Variants in VSIG1 observed in about 807,000 individuals in gnomAD.
The protein encoded by VSIG1 is V-set and immunoglobulin domain containing 1, also known as V-set and immunoglobulin domain-containing protein 1.
VSIG1 carries 11 observed loss-of-function variants against 20.1 expected under a neutral mutation model. The ratio of observed to expected loss-of-function variants is 0.55; its 90% confidence interval spans 0.34 to 0.91. The LOEUF (loss-of-function observed/expected upper bound fraction) is 0.91, where lower values mean the gene tolerates loss of function less well. Among genes scored for constraint, VSIG1 ranks in the 40% least tolerant of loss-of-function variants. The pLI is 0.02. For synonymous variants in VSIG1, 126 were observed against 116.7 expected (o/e 1.08, Z -0.52); for missense variants, 283 against 298.8 (o/e 0.95, Z 0.39).
intron 1 of VSIG1, among the ~76,000 whole-genome samples, chrX:108,052,442 T>TAC (rs764453844): frequency 2.6e-3 from 278 of 107,019 alleles, no homozygotes; most frequent in African/African-American, 5.5e-3. Context: ...CTACCAAAAA[T>TAC]ACACACACAC....
In VSIG1 at chrX:108,076,114, T is replaced by G; in HGVS notation, c.726T>G (p.Gly242=). 8.3e-7 allele frequency: 1 copy of G among 1,211,486 alleles called. No homozygotes were observed. The highest frequency in any genetic ancestry group is 1.8e-5 in the South Asian group (1 of 56,887). The stretch of plus-strand genomic sequence containing the variant: ...GAATCATTGTTGGGGCCTTGATTGG[T>G]AGCCTGGTAGGTGCCGCCATCATCA... ...EVGIIVGALI[G]SLVGAAIIIS... is the part of the protein sequence containing the mutation. Residue 242 remains glycine (G), a synonymous_variant, in exon 6 of 7, where the codon GGT becomes GGG. Transcript: ENST00000217957.
At chrX:108,038,087 C>T in the VSIG1 span, among the ~76,000 whole-genome samples, 1 of 111,145 alleles carries the variant, frequency 9.0e-6, no homozygotes, top group Non-Finnish European at 1.9e-5. Context: ...TTTCATCTTT[C>T]TTTTTTTTAT....
At position 108,067,084 on chromosome X, in the gene VSIG1, C is replaced by G. The variant is rs202139574; in HGVS notation, c.362C>G (p.Pro121Arg). The G allele has an allele frequency of 1.4e-4, 167 of 1,209,436 alleles. No individual in the cohort carries two copies. Among genetic ancestry groups the G allele is most frequent in the Non-Finnish European group, 1.7e-4 (154 of 895,058 alleles). Residue 121 changes from proline (P) to arginine (R), a missense_variant, in exon 3 of 7, where the codon CCC becomes CGC. Coordinates refer to ENST00000217957, the MANE Select transcript of VSIG1 (RefSeq NM_182607.5). ...SGIYICDVNN[P>R]PDFLGQNQGI... ...ATTTACATCTGCGATGTTAACAACC[C>G]CCCAGACTTTCTCGGCCAAAACCAA...
rs2031042497 is a variant in VSIG1, at chrX:108,062,248, G to A, written c.213+4047G>A. On this transcript the variant is annotated intron_variant, in intron 2 of 6. Coordinates refer to ENST00000217957, the MANE Select transcript of VSIG1 (RefSeq NM_182607.5). ...TACTTATTCTTCAAGAATGTTCATA[G>A]TGAAAAAATACCCTTTGCCAGTCTC... Among the ~76,000 whole-genome samples, 6 of 111,522 alleles carry A rather than the reference G, an allele frequency of 5.4e-5. No individual in the cohort carries two copies. In the South Asian group the frequency reaches 2.3e-3, roughly 43 times the overall value.
chrX:108,032,215 A>T, the VSIG1 span, among the ~76,000 whole-genome samples: 1 of 112,369 alleles, frequency 8.9e-6, no homozygotes, highest in African/African-American at 3.2e-5. Context: ...TTTCCACTAG[A>T]CTGGGTGGGA....
At chrX:108,064,517 T>G (rs2031089675) in intron 2 of VSIG1, among the ~76,000 whole-genome samples, 1 of 111,733 alleles carries the variant, frequency 8.9e-6, no homozygotes, top group Non-Finnish European at 1.9e-5. Flanking sequence ...GTGGACACTT[T>G]TACTTCTTCT....
chrX:108,066,433 A>T (rs1295164543), intron 2 of VSIG1, among the ~76,000 whole-genome samples: 2 of 111,868 alleles, frequency 1.8e-5, no homozygotes, highest in African/African-American at 6.5e-5. Flanking sequence ...TGTCTATCCA[A>T]AAGAGTAGGT....
chrX:108,060,020 G>T (rs901392556), intron 2 of VSIG1, among the ~76,000 whole-genome samples: 5 of 111,648 alleles, frequency 4.5e-5, no homozygotes, highest in Non-Finnish European at 9.4e-5. Context: ...AACTGGGAGG[G>T]AGCTGCAGAG....
chrX:108,039,654 G>A, the VSIG1 span, among the ~76,000 whole-genome samples: 1 of 111,324 alleles, frequency 9.0e-6, no homozygotes, highest in South Asian at 3.8e-4. Context: ...AGGAAGACCA[G>A]TTAGGAGGCT....
chrX:108,025,301 C>T, the VSIG1 span, among the ~76,000 whole-genome samples: 1 of 111,888 alleles, frequency 8.9e-6, no homozygotes, highest in East Asian at 2.8e-4. Flanking sequence ...TTAAGTCGAG[C>T]ATTAAGAGAA....
chrX:108,047,903 T>TATATATATATACAC (rs1555980337), intron 1 of VSIG1, among the ~76,000 whole-genome samples: 1 of 17,388 alleles, frequency 5.8e-5, no homozygotes, highest in Non-Finnish European at 8.1e-5. Context: ...TATATATATA[T>TATATATATATACAC]ACACATATAT....
intron 5 of VSIG1, among the ~76,000 whole-genome samples, chrX:108,075,280 T>A (rs1439331679): frequency 8.9e-6 from 1 of 111,808 alleles, no homozygotes; most frequent in Non-Finnish European, 1.9e-5. Context: ...AAGAAGACTT[T>A]TAAAAAGAGT....
intron 2 of VSIG1, among the ~76,000 whole-genome samples, chrX:108,058,496 T>G (rs776904321): frequency 8.9e-6 from 1 of 111,953 alleles, no homozygotes; most frequent in Non-Finnish European, 1.9e-5. Context: ...GTGAAATTAA[T>G]AGTAATTCTG....
chrX:108,025,937 C>T, the VSIG1 span, among the ~76,000 whole-genome samples: 8 of 111,340 alleles, frequency 7.2e-5, no homozygotes, highest in Admixed American at 3.8e-4. Context: ...TGTAAATGTT[C>T]GAAGAATCCT....
the VSIG1 span, among the ~76,000 whole-genome samples, chrX:108,037,902 A>G: frequency 9.0e-6 from 1 of 111,680 alleles, no homozygotes; most frequent in East Asian, 2.8e-4. Context: ...GAAAAAAGGA[A>G]AAAGCAGGTG....
intron 2 of VSIG1, among the ~76,000 whole-genome samples, chrX:108,063,296 G>A (rs973485568): frequency 9.0e-6 from 1 of 111,594 alleles, no homozygotes; most frequent in African/African-American, 3.3e-5. Flanking sequence ...AGCACTGTGA[G>A]TGCCATCTTA....
At chrX:108,023,347 T>C in the VSIG1 span, among the ~76,000 whole-genome samples, 1 of 111,917 alleles carries the variant, frequency 8.9e-6, no homozygotes. Flanking sequence ...TGTTAACATG[T>C]GAGTTTGTTA....
the VSIG1 span, among the ~76,000 whole-genome samples, chrX:108,039,341 C>T: frequency 9.1e-6 from 1 of 110,388 alleles, no homozygotes; most frequent in Non-Finnish European, 1.9e-5. Context: ...TGCCACCACA[C>T]GCCCAGCTAA....
rs979578914 is a variant in VSIG1 at position 108,078,760 on chromosome X, A to G, written c.*1379A>G. On this transcript the variant is annotated 3_prime_UTR_variant, in exon 7 of 7. Transcript: ENST00000217957. The stretch of plus-strand genomic sequence containing the variant: ...GTTTTGAATGAGTTATTATGTTATC[A>G]CTGTGTCTGATGTTATCTACTTTGA... 3 of 112,523 alleles carry G rather than the reference A, an allele frequency of 2.7e-5. No homozygotes were observed. Among genetic ancestry groups the G allele is most frequent in the Non-Finnish European group, 5.6e-5 (3 of 53,338 alleles). The allele number at this position is 112,523 out of a possible 1,213,427, so 9.3% of individuals were successfully genotyped here. A position where few individuals can be genotyped will look rare whatever the true frequency, so the allele number is the denominator to read the frequency against.
Sources: allele counts gnomAD v4.1 joint callset (sites outside exome capture counted in the v4.1 genomes callset), GRCh38; gene constraint gnomAD v4.1.1; transcripts MANE v1.5; gene names NCBI Gene and HGNC (gene_info 2026-07-23, HGNC 2026-07-21).